Variants in GRID2 observed in about 807,000 individuals in gnomAD.
The protein encoded by GRID2 is glutamate receptor ionotropic, delta-2.
Under a neutral mutation model 114.8 loss-of-function variants are expected in GRID2, and 33 were observed. The ratio of observed to expected loss-of-function variants is 0.29; its 90% CI spans 0.22 to 0.38. The LOEUF (loss-of-function observed/expected upper bound fraction) is 0.38, where lower values mean the gene tolerates loss of function less well. Among genes scored for constraint, GRID2 ranks in the 10% least tolerant of loss-of-function variants. GRID2 has a pLI of 1.00. For synonymous variants in GRID2, 505 were observed against 449.9 expected (o/e 1.12, Z -1.55); for missense variants, 1,184 against 1,257.7 (o/e 0.94, Z 0.89).
At chr4:93,062,478 A>C (rs1318719087) in intron 2 of GRID2, among the ~76,000 whole-genome samples, 1 of 152,142 alleles carries the variant, frequency 6.6e-6, no homozygotes, top group Non-Finnish European at 1.5e-5. Flanking sequence ...TTGTTGATAC[A>C]TTCACCAAAG....
intron 1 of GRID2, among the ~76,000 whole-genome samples, chr4:92,369,454 TA>T (rs1341496453): frequency 6.6e-6 from 1 of 152,182 alleles, no homozygotes; most frequent in South Asian, 2.1e-4. Flanking sequence ...CAAACACTTT[TA>T]ATCAGATGCT....
At chr4:92,856,557 A>C (rs1014206591) in intron 2 of GRID2, among the ~76,000 whole-genome samples, 1 of 152,146 alleles carries the variant, frequency 6.6e-6, no homozygotes, top group Non-Finnish European at 1.5e-5. Flanking sequence ...ATCATTATTG[A>C]TAATCAGTTG....
chr4:93,626,237 T>G, intron 13 of GRID2, 32 bp from the exon 14 acceptor site: 1 of 1,330,350 alleles, frequency 7.5e-7, no homozygotes, highest in Non-Finnish European at 1.1e-6. Context: ...CTTTAAACCC[T>G]ATTTCTTCTT....
chr4:93,460,912 C>G (rs1309835499), intron 11 of GRID2, among the ~76,000 whole-genome samples: 2 of 152,092 alleles, frequency 1.3e-5, no homozygotes, highest in African/African-American at 4.8e-5. Context: ...GTAAGGCATC[C>G]TCTTGGTTGA....
chr4:92,749,879 TTGAG>T (rs1435764821), intron 2 of GRID2, among the ~76,000 whole-genome samples: 3 of 151,570 alleles, frequency 2.0e-5, no homozygotes, highest in Admixed American at 1.3e-4. Context: ...GATTGATTGA[TTGAG>T]ACAATTTCGC....
intron 1 of GRID2, among the ~76,000 whole-genome samples, chr4:93,780,410 G>A (rs1018456307): frequency 1.3e-5 from 2 of 152,164 alleles, no homozygotes; most frequent in Admixed American, 1.3e-4. Context: ...GGAGAAGGGC[G>A]CTAAGAGGTA....
intron 2 of GRID2, among the ~76,000 whole-genome samples, chr4:92,680,219 G>A (rs773635014): frequency 2.4e-4 from 36 of 152,088 alleles, no homozygotes; most frequent in Non-Finnish European, 4.9e-4. Context: ...TGGTGGATGC[G>A]ATATGAAAGA....
At chr4:92,789,842 A>C (rs777966267) in intron 2 of GRID2, among the ~76,000 whole-genome samples, 5 of 151,832 alleles carry the variant, frequency 3.3e-5, no homozygotes, top group Non-Finnish European at 7.4e-5. Flanking sequence ...CTGTGTGCTC[A>C]TATTTGTTAG....
intron 14 of GRID2, among the ~76,000 whole-genome samples, chr4:93,656,191 G>A (rs1283309725): frequency 6.6e-6 from 1 of 151,610 alleles, no homozygotes; most frequent in African/African-American, 2.4e-5. Context: ...AAAAATAATT[G>A]TTTACTGGAG....
intron 8 of GRID2, among the ~76,000 whole-genome samples, chr4:93,309,928 C>T (rs937844294): frequency 6.6e-6 from 1 of 152,032 alleles, no homozygotes; most frequent in African/African-American, 2.4e-5. Context: ...ATGGGCTTTG[C>T]TTTATTAATT....
intron 2 of GRID2, among the ~76,000 whole-genome samples, chr4:92,968,761 T>C (rs1753317185): frequency 6.6e-6 from 1 of 151,818 alleles, no homozygotes; most frequent in Non-Finnish European, 1.5e-5. Context: ...CCACGTCCCC[T>C]AGCCCTAGGC....
intron 2 of GRID2, among the ~76,000 whole-genome samples, chr4:92,755,276 T>C (rs934137206): frequency 6.6e-6 from 1 of 152,198 alleles, no homozygotes; most frequent in Non-Finnish European, 1.5e-5. Context: ...TCTAAAAAAA[T>C]AACTTTTTTG....
intron 2 of GRID2, among the ~76,000 whole-genome samples, chr4:93,028,311 T>C (rs1724068797): frequency 6.6e-6 from 1 of 151,890 alleles, no homozygotes. Context: ...TTGAATGAAT[T>C]GATGGTGCAA....
chr4:92,438,578 C>CTGTGTGTG lies in GRID2; in HGVS notation c.88+133858_88+133865dup, dbSNP rs34304139. Among the ~76,000 whole-genome samples the CTGTGTGTG allele has an allele frequency of 8.4e-4, 123 of 147,000 alleles. 2 individuals carry two copies. Among genetic ancestry groups the CTGTGTGTG allele is most frequent in the African/African-American group, 3.0e-3 (118 of 39,946 alleles). Reference sequence around the variant, plus strand: ...TAATATTCATTTGGCAGTTTACCTTCTGTGTGTGTGTGTGTGTGTGTGTGT... The same window carrying CTGTGTGTG: ...TAATATTCATTTGGCAGTTTACCTTCTGTGTGTGTGTGTGTGTGTGTGTGTGTGTGTGT... On this transcript the variant is annotated intron_variant, in intron 1 of 15. Coordinates refer to ENST00000282020, the MANE Select transcript of GRID2 (RefSeq NM_001510.4).
intron 3 of GRID2, among the ~76,000 whole-genome samples, chr4:93,109,592 G>A (rs1279549562): frequency 6.6e-6 from 1 of 151,682 alleles, no homozygotes; most frequent in African/African-American, 2.4e-5. Flanking sequence ...TTACTTGCAG[G>A]GAAGCACACA....
At chr4:92,918,509 A>T (rs992922295) in intron 2 of GRID2, among the ~76,000 whole-genome samples, 8 of 152,114 alleles carry the variant, frequency 5.3e-5, no homozygotes, top group African/African-American at 1.9e-4. Flanking sequence ...AGCTCTTATT[A>T]TTTTGAGATA....
At chr4:92,315,301 C>T (rs984044613) in intron 1 of GRID2, among the ~76,000 whole-genome samples, 7 of 152,212 alleles carry the variant, frequency 4.6e-5, no homozygotes, top group African/African-American at 1.7e-4. Context: ...TGCTCTGATA[C>T]ATCTGTTAAT....
intron 12 of GRID2, among the ~76,000 whole-genome samples, chr4:93,500,500 T>C (rs1727988883): frequency 6.6e-6 from 1 of 151,978 alleles, no homozygotes; most frequent in Non-Finnish European, 1.5e-5. Flanking sequence ...TTCACCTAAA[T>C]CTCAATGTTT....
chr4:92,819,134 T>TA (rs1741103400), intron 2 of GRID2, among the ~76,000 whole-genome samples: 1 of 152,002 alleles, frequency 6.6e-6, no homozygotes. Flanking sequence ...GAGCAAATGT[T>TA]ACGGCAATAG....
Sources: gnomAD v4.1 joint callset for allele counts (sites outside exome capture counted in the v4.1 genomes callset) on GRCh38, gnomAD v4.1.1 for gene constraint, MANE v1.5 for transcripts, NCBI Gene and HGNC (gene_info 2026-07-23, HGNC 2026-07-21) for gene names.